TG: variants seen among roughly 807,000 people sequenced by gnomAD.
The protein encoded by TG is thyroid hormones.
TG carries 270 observed loss-of-function variants against 324.7 expected under a neutral mutation model. That is an observed-to-expected ratio of 0.83 (90% CI 0.75 to 0.92). TG has a LOEUF of 0.92. Ranked by LOEUF, TG falls within the 40% of genes least tolerant of loss-of-function variation. The pLI is 0.00. For missense variants in TG, 3,591 were observed against 3,456.4 expected (o/e 1.04, Z -0.98); for synonymous variants, 1,401 against 1,327.0 (o/e 1.06, Z -1.21).
intron 34 of TG, among the ~76,000 whole-genome samples, chr8:132,980,084 T>C (rs577614218): frequency 4.2e-4 from 64 of 151,948 alleles, no homozygotes; most frequent in African/African-American, 1.5e-3. Context: ...ACAAGGGGGC[T>C]GGGGAAGGAG....
At chr8:132,883,620 A>G (rs996895198) in intron 8 of TG, among the ~76,000 whole-genome samples, 7 of 151,946 alleles carry the variant, frequency 4.6e-5, no homozygotes, top group Non-Finnish European at 4.4e-5. Flanking sequence ...TTATCCTAAC[A>G]AAGGCTTGGG....
chr8:132,906,947 G>T (rs762893430), intron 17 of TG, 47 bp downstream of exon 17: 7 of 1,558,796 alleles, frequency 4.5e-6, no homozygotes, highest in Middle Eastern at 1.7e-4. Context: ...CCCTCTCAGG[G>T]CTAGGGCTGG....
intron 41 of TG, chr8:133,037,111 C>A (rs1837247888): frequency 6.6e-6 from 1 of 152,186 alleles, no homozygotes; most frequent in African/African-American, 2.4e-5. Flanking sequence ...GGACGGAATG[C>A]TTATGTGAGC....
At position 132,913,034 on chromosome 8, in the gene TG, C is replaced by A. The variant is rs201072590; in HGVS notation, c.4160-13C>A. ...CAGTGGGGGTGACCTCTACCTTATC[C>A]TGTGTCTTACAGAGAGAGCCTTGGT... On this transcript the variant is annotated splice_polypyrimidine_tract_variant and intron_variant, in intron 19 of 47. Transcript: ENST00000220616. 9.3e-6 allele frequency: 15 copies of A among 1,613,630 alleles called. No individual in the cohort carries two copies. In the South Asian group the frequency reaches 1.5e-4, roughly 17 times the overall value.
intron 18 of TG, among the ~76,000 whole-genome samples, chr8:132,909,205 G>T (rs1819145606): frequency 6.6e-6 from 1 of 152,054 alleles, no homozygotes. Flanking sequence ...TAGGAGCAGG[G>T]GTCCTCACTG....
intron 35 of TG, among the ~76,000 whole-genome samples, chr8:132,992,816 T>G (rs1832504303): frequency 2.0e-5 from 3 of 152,220 alleles, no homozygotes; most frequent in Non-Finnish European, 2.9e-5. Context: ...AGCTCCCTTC[T>G]GCACTCTCCA....
intron 41 of TG, chr8:133,044,866 A>G: frequency 1.0e-6 from 1 of 971,424 alleles, no homozygotes; most frequent in Non-Finnish European, 1.6e-6. Flanking sequence ...AGAGCATATC[A>G]TGAAGGCAGC....
chr8:132,888,275 G>C lies in TG; in HGVS notation c.2468G>C (p.Ser823Thr). The part of the protein sequence containing the change: ...ASGNFSLFIQ[S>T]LYEAGQQDVF... ...GGAAACTTCAGTCTCTTTATTCAAA[G>C]TCTGTATGAGGCTGGCCAGCAAGAT... Residue 823 changes from serine (S) to threonine (T), a missense_variant, in exon 10 of 48, where the codon AGT (serine) becomes ACT (threonine). Transcript: ENST00000220616. 6.2e-7 allele frequency: 1 copy of C among 1,614,196 alleles called. No homozygotes were observed. Among genetic ancestry groups the C allele is most frequent in the Non-Finnish European group, 8.5e-7 (1 of 1,180,036 alleles).
At chr8:133,086,079 T>TG (rs1390968431) in intron 41 of TG, among the ~76,000 whole-genome samples, 2 of 152,174 alleles carry the variant, frequency 1.3e-5, no homozygotes, top group African/African-American at 4.8e-5. Flanking sequence ...ATAAGATGGA[T>TG]GAAGTAAAAG....
At position 133,017,837 on chromosome 8, in the gene TG, C is replaced by A. The variant is rs750846435; in HGVS notation, c.6622C>A (p.Arg2208=). The part of the protein sequence containing the change: ...VPSVPISTHG[R]LLGRSQAIQV... ...TTCTGTGCCCATTTCCACCCATGGC[C>A]GGCTGCTGGGCAGGTCCCAGGCCAT... Residue 2208 remains arginine, a synonymous_variant, in exon 38 of 48, where the codon CGG becomes AGG. Coordinates refer to ENST00000220616, the MANE Select transcript of TG (RefSeq NM_003235.5). 6.2e-7 allele frequency: 1 copy of A among 1,614,164 alleles called. No individual in the cohort carries two copies. The highest frequency in any genetic ancestry group is 8.5e-7 in the Non-Finnish European group (1 of 1,180,020).
At chr8:133,111,813 T>G (rs891286205) in intron 43 of TG, among the ~76,000 whole-genome samples, 1 of 152,266 alleles carries the variant, frequency 6.6e-6, no homozygotes, top group Non-Finnish European at 1.5e-5. Context: ...CAATTTCATA[T>G]TTGCTCCAGA....
At chr8:133,071,865 G>A (rs557438951) in intron 41 of TG, among the ~76,000 whole-genome samples, 3 of 152,148 alleles carry the variant, frequency 2.0e-5, no homozygotes, top group Non-Finnish European at 4.4e-5. Flanking sequence ...TCTTAGGATA[G>A]GGTTCATGTC....
chr8:132,935,698 T>C (rs1230144225), intron 24 of TG, 58 bp from the exon 25 acceptor site: 1 of 1,475,120 alleles, frequency 6.8e-7, no homozygotes, highest in Non-Finnish European at 9.5e-7. Context: ...GATGAATGTT[T>C]GTTGGATTGA....
Position 132,917,031 on chromosome 8 carries a change from C to CTCCG in TG, c.4379-2342_4379-2341insGTCC, listed in dbSNP as rs1214890919. ...CCTCCCTTCCTCCCTCCATGCCTCC[C>CTCCG]TCCCTCCCTCCCTCCTTCCTTCCTT... is the stretch of plus-strand genomic sequence containing the variant. On this transcript the variant is annotated intron_variant, in intron 20 of 47. Transcript: ENST00000220616. Among the ~76,000 whole-genome samples, 17 of 76,994 alleles carry CTCCG rather than the reference C, an allele frequency of 2.2e-4. 2 individuals carry two copies. Among genetic ancestry groups the CTCCG allele is most frequent in the Non-Finnish European group, 4.6e-4 (15 of 32,372 alleles). 50.5% of individuals were successfully genotyped at this position (76,994 alleles called of 152,430 possible). A position where few individuals can be genotyped will look rare whatever the true frequency, so the allele number is the denominator to read the frequency against.
At position 132,871,457 on chromosome 8, in the gene TG, T is replaced by C. The variant is rs1427867179; in HGVS notation, c.384T>C (p.Pro128=). 6.2e-7 allele frequency: 1 copy of C among 1,614,080 alleles called. No homozygotes were observed. The highest frequency in any genetic ancestry group is 8.5e-7 in the Non-Finnish European group (1 of 1,180,038). Residue 128 remains proline, a synonymous_variant, in exon 4 of 48, where the codon CCT becomes CCC. Transcript: ENST00000220616. ...GTCAGGATTCAGGGGACTACGCGCC[T>C]GTTCAGTGTGATGTGCAGCAGGTCC... ...PQCQDSGDYA[P]VQCDVQQVQC... is the part of the protein sequence containing the mutation.
At chr8:133,094,988 G>T in intron 41 of TG, 56 bp from the exon 42 acceptor site, 1 of 1,610,434 alleles carries the variant, frequency 6.2e-7, no homozygotes, top group South Asian at 1.1e-5. Context: ...GACTCCAGGT[G>T]AGCAGGGGCT....
At chr8:133,053,077 G>A (rs780499726) in intron 41 of TG, among the ~76,000 whole-genome samples, 4 of 152,138 alleles carry the variant, frequency 2.6e-5, no homozygotes, top group Admixed American at 1.3e-4. Flanking sequence ...CAGAGCCTCC[G>A]GATAGGCTGT....
intron 35 of TG, among the ~76,000 whole-genome samples, chr8:132,993,893 A>G (rs548173543): frequency 6.6e-6 from 1 of 152,244 alleles, no homozygotes; most frequent in Non-Finnish European, 1.5e-5. Flanking sequence ...TTAGCTTTAA[A>G]TATTTTCTTC....
At chr8:133,051,467 G>C (rs570544360) in intron 41 of TG, among the ~76,000 whole-genome samples, 1 of 152,310 alleles carries the variant, frequency 6.6e-6, no homozygotes, top group South Asian at 2.1e-4. Context: ...TTAGGACCAT[G>C]AGGCAGTAAC....
Sources: allele counts gnomAD v4.1 joint callset (sites outside exome capture counted in the v4.1 genomes callset), GRCh38; gene constraint gnomAD v4.1.1; transcripts MANE v1.5; gene names NCBI Gene and HGNC (gene_info 2026-07-23, HGNC 2026-07-21).